The following PIP4K2A variants were observed in gnomAD, a reference collection of about 807,000 sequenced individuals.
PIP4K2A encodes phosphatidylinositol-5-phosphate 4-kinase type 2 alpha, also known as phosphatidylinositol 5-phosphate 4-kinase type-2 alpha.
In PIP4K2A, 14 loss-of-function variants were observed where a neutral mutation model predicts 42.9. The ratio of observed to expected loss-of-function variants is 0.33; its 90% CI spans 0.22 to 0.51. PIP4K2A has a LOEUF of 0.51. PIP4K2A is among the 20% of genes least tolerant of loss of function. PIP4K2A has a pLI of 0.97. For missense variants in PIP4K2A, 434 were observed against 519.8 expected (o/e 0.83, Z 1.61); for synonymous variants, 192 against 192.2 (o/e 1.00, Z 0.01).
intron 1 of PIP4K2A, among the ~76,000 whole-genome samples, chr10:22,698,750 TAAA>T (rs1162447679): frequency 6.6e-6 from 1 of 152,112 alleles, no homozygotes; most frequent in Non-Finnish European, 1.5e-5. Context: ...GAGATTTTTT[TAAA>T]AAGACATTGG....
intron 1 of PIP4K2A, among the ~76,000 whole-genome samples, chr10:22,665,605 C>CTTTTTTTT (rs34262297): frequency 8.7e-6 from 1 of 115,006 alleles, no homozygotes; most frequent in East Asian, 2.5e-4. Context: ...CCACACCTGG[C>CTTTTTTTT]TTTTTTTTTT....
chr10:22,663,989 G>A (rs965880226), intron 1 of PIP4K2A, among the ~76,000 whole-genome samples: 1 of 141,576 alleles, frequency 7.1e-6, no homozygotes, highest in South Asian at 2.2e-4. Context: ...CTAGGGTCAG[G>A]GGTATGCCCA....
chr10:22,547,664 G>A (rs1336851545), intron 7 of PIP4K2A, among the ~76,000 whole-genome samples: 3 of 152,204 alleles, frequency 2.0e-5, no homozygotes, highest in African/African-American at 4.8e-5. Context: ...ACTCCTGGAT[G>A]CCACAGAGGG....
chr10:22,649,349 T>G (rs1322958773), intron 1 of PIP4K2A, among the ~76,000 whole-genome samples: 8 of 152,240 alleles, frequency 5.3e-5, no homozygotes, highest in Admixed American at 5.2e-4. Context: ...AGTTCACACT[T>G]TTAAAATATT....
intron 1 of PIP4K2A, chr10:22,694,722 G>T (rs1839936605): frequency 6.6e-6 from 1 of 152,072 alleles, no homozygotes; most frequent in South Asian, 2.1e-4. Context: ...AACTCAGACT[G>T]TACAGAAAGT....
rs537984556 is a variant in PIP4K2A at position 22,554,267 on chromosome 10, C to T, written c.679-3495G>A. On this transcript the variant is annotated intron_variant, in intron 6 of 9. Coordinates refer to ENST00000376573, the MANE Select transcript of PIP4K2A (RefSeq NM_005028.5). ...TATATCTCTCTGATAATGAGCAGTGCTTATATTAGAAACATCTTTTTTTTA... is the reference window on the plus strand; with the variant it reads ...TATATCTCTCTGATAATGAGCAGTGTTTATATTAGAAACATCTTTTTTTTA... Among the ~76,000 whole-genome samples the T allele has an allele frequency of 3.3e-5, 5 of 152,230 alleles. No homozygotes were observed. The South Asian group carries it at 6.2e-4, about 19-fold the overall frequency.
Position 22,591,356 on chromosome 10 carries a change from A to G in PIP4K2A, c.492+273T>C, listed in dbSNP as rs114112982. ...AAATCTTAAGCTGAATGATTTTAAA[A>G]TCAGAGTAGTGATAACTGAAACTAT... On this transcript the variant is annotated intron_variant, in intron 4 of 9. Transcript: ENST00000376573. Among the ~76,000 whole-genome samples the G allele has an allele frequency of 1.0e-3, 154 of 152,344 alleles. 1 individual carries two copies. The highest frequency in any genetic ancestry group is 3.4e-3 in the African/African-American group (141 of 41,552).
intron 1 of PIP4K2A, among the ~76,000 whole-genome samples, chr10:22,621,336 A>G (rs1043568758): frequency 6.6e-6 from 1 of 152,248 alleles, no homozygotes. Flanking sequence ...AAATGGCATG[A>G]CCACTAGCAA....
rs369291008 is a variant in PIP4K2A, at chr10:22,706,796, G to A, written c.144+7387C>T. ...GCTAGTGGAAGTGTGAAAAATACAA[G>A]AAAGAACATAACAAAATAGATACAG... On this transcript the variant is annotated intron_variant, in intron 1 of 9. Coordinates refer to ENST00000376573, the MANE Select transcript of PIP4K2A (RefSeq NM_005028.5). Among the ~76,000 whole-genome samples the A allele has an allele frequency of 2.0e-5, 3 of 152,098 alleles. No individual in the cohort carries two copies. The South Asian group carries it at 6.2e-4, about 32-fold the overall frequency.
Position 22,536,964 on chromosome 10 carries a change from C to A in PIP4K2A, c.*237G>T, listed in dbSNP as rs1309237309. 2 of 305,354 alleles carry A rather than the reference C, an allele frequency of 6.5e-6. No homozygotes were observed. The highest frequency in any genetic ancestry group is 5.5e-6 in the Non-Finnish European group (1 of 180,428). The allele number at this position is 305,354 out of a possible 1,614,324, so 18.9% of individuals were successfully genotyped here. A position where few individuals can be genotyped will look rare whatever the true frequency, so the allele number is the denominator to read the frequency against. On this transcript the variant is annotated 3_prime_UTR_variant, in exon 10 of 10. Transcript: ENST00000376573. ...ACACGCGCGCACACACTCACCCCCC[C>A]CCAACACACACACACACACATATAC...
chr10:22,568,609 C>T (rs1384936909), intron 5 of PIP4K2A, among the ~76,000 whole-genome samples: 1 of 152,160 alleles, frequency 6.6e-6, no homozygotes, highest in African/African-American at 2.4e-5. Context: ...GCTCTTACTG[C>T]AGTGGTGTTC....
intron 7 of PIP4K2A, among the ~76,000 whole-genome samples, chr10:22,546,743 AGT>A (rs1012691736): frequency 6.6e-6 from 1 of 152,172 alleles, no homozygotes; most frequent in African/African-American, 2.4e-5. Flanking sequence ...TCTGAGGTAG[AGT>A]GAATGAAGTG....
At chr10:22,648,339 C>T (rs892629745) in intron 1 of PIP4K2A, among the ~76,000 whole-genome samples, 2 of 152,188 alleles carry the variant, frequency 1.3e-5, no homozygotes, top group African/African-American at 4.8e-5. Context: ...AGTAGTTACT[C>T]TGTGACTCCT....
At chr10:22,684,164 T>C (rs1242480791) in intron 1 of PIP4K2A, among the ~76,000 whole-genome samples, 1 of 152,170 alleles carries the variant, frequency 6.6e-6, no homozygotes, top group Non-Finnish European at 1.5e-5. Context: ...TGGCAAACCA[T>C]CTTTCAGTTT....
Position 22,608,205 on chromosome 10 carries a change from C to T in PIP4K2A, c.243-182G>A, listed in dbSNP as rs935651023. ...GATCCAGGAGACACAGGGGGCCAGA[C>T]GGATGTCTGTCTGTCTCCTTTGTCA... On this transcript the variant is annotated intron_variant, in intron 2 of 9. Transcript: ENST00000376573. Among the ~76,000 whole-genome samples the T allele has an allele frequency of 3.3e-5, 5 of 152,216 alleles. No homozygotes were observed. In the South Asian group the frequency reaches 6.2e-4, roughly 19 times the overall value.
chr10:22,693,165 T>C (rs376450260), intron 1 of PIP4K2A, among the ~76,000 whole-genome samples: 3 of 152,234 alleles, frequency 2.0e-5, no homozygotes, highest in Non-Finnish European at 2.9e-5. Context: ...ATCACAGATT[T>C]GTCAAGGTTG....
chr10:22,683,211 C>A (rs1025246379), intron 1 of PIP4K2A, among the ~76,000 whole-genome samples: 1 of 152,190 alleles, frequency 6.6e-6, no homozygotes, highest in Non-Finnish European at 1.5e-5. Context: ...GCTGAAGACA[C>A]CTGGACTGCT....
rs774380799 is a variant in PIP4K2A, at chr10:22,609,705, T to C, written c.157A>G (p.Ser53Gly). 4.9e-5 allele frequency: 79 copies of C among 1,598,464 alleles called. 1 individual carries two copies. In the Admixed American group the frequency reaches 1.3e-3, roughly 26 times the overall value. ...AACATAACAGGGATTTGAACATGGC[T>C]CAGTTCATTGATCTGGAAAAATATA... ...WGVNHSINEL[S>G]HVQIPVMLMP... The change falls in exon 2 of 10, where the codon AGC becomes GGC. Residue 53 changes from serine to glycine, a missense_variant. Ser to Gly is a moderately conservative substitution (Grantham distance 56, BLOSUM62 0). Coordinates refer to ENST00000376573, the MANE Select transcript of PIP4K2A (RefSeq NM_005028.5).
At position 22,540,070 on chromosome 10, in the gene PIP4K2A, C is replaced by G. The variant is rs755509877; in HGVS notation, c.1041G>C (p.Ser347=). ...CCATGAAGTACACCTCCTTCCTAGG[C>G]GAGTCTGCAGAGACAGGAGAGCAAT... ...DVYGIKCHEN[S]PRKEVYFMAI... Residue 347 remains serine, a synonymous_variant, in exon 9 of 10, where the codon TCG becomes TCC. Transcript: ENST00000376573. The G allele has an allele frequency of 6.3e-7, 1 of 1,585,140 alleles. No homozygotes were observed. Among genetic ancestry groups the G allele is most frequent in the South Asian group, 1.1e-5 (1 of 90,554 alleles).
Sources: allele counts gnomAD v4.1 joint callset (sites outside exome capture counted in the v4.1 genomes callset), GRCh38; gene constraint gnomAD v4.1.1; transcripts MANE v1.5; gene names NCBI Gene and HGNC (gene_info 2026-07-23, HGNC 2026-07-21).